MAP7: variants seen among roughly 807,000 people sequenced by gnomAD.
MAP7 encodes the protein microtubule associated protein 7, also known as ensconsin.
MAP7 carries 52 observed loss-of-function variants against 94.8 expected under a neutral mutation model. The ratio of observed to expected loss-of-function variants is 0.55; its 90% CI spans 0.44 to 0.69. The LOEUF is 0.69. MAP7 is among the 30% of genes least tolerant of loss of function. The probability of loss-of-function intolerance (pLI) is 0.00; values close to 1 mark genes in which losing one functional copy is unlikely to be tolerated. For missense variants in MAP7, 940 were observed against 964.6 expected (o/e 0.97, Z 0.34); for synonymous variants, 350 against 357.0 (o/e 0.98, Z 0.22).
At chr6:136,465,167 C>A (rs1413632121) in intron 1 of MAP7, among the ~76,000 whole-genome samples, 1 of 152,208 alleles carries the variant, frequency 6.6e-6, no homozygotes, top group Non-Finnish European at 1.5e-5. Flanking sequence ...TGGAAACATG[C>A]AGCTTCTGTG....
At chr6:136,463,213 C>G (rs893117697) in intron 1 of MAP7, among the ~76,000 whole-genome samples, 3 of 151,996 alleles carry the variant, frequency 2.0e-5, no homozygotes, top group Non-Finnish European at 4.4e-5. Context: ...AAAATACTAA[C>G]CAGAAATACA....
intron 1 of MAP7, among the ~76,000 whole-genome samples, chr6:136,523,454 G>A (rs1826977567): frequency 6.6e-6 from 1 of 152,230 alleles, no homozygotes; most frequent in Non-Finnish European, 1.5e-5. Context: ...TGTGGCTATT[G>A]TATTGGACAG....
intron 7 of MAP7, among the ~76,000 whole-genome samples, chr6:136,376,028 C>T (rs779311407): frequency 2.6e-5 from 4 of 152,018 alleles, no homozygotes; most frequent in African/African-American, 7.2e-5. Context: ...TTTAGCACAA[C>T]ACAGCATACA....
chr6:136,487,385 T>C (rs905315081), intron 1 of MAP7, among the ~76,000 whole-genome samples: 1 of 152,214 alleles, frequency 6.6e-6, no homozygotes, highest in Admixed American at 6.5e-5. Context: ...GGATTATAGA[T>C]GATTTAGAAA....
chr6:136,366,277 C>T (rs997805007), intron 9 of MAP7, 50 bp downstream of exon 9: 1 of 1,402,890 alleles, frequency 7.1e-7, no homozygotes, highest in Non-Finnish European at 1.0e-6. Flanking sequence ...GAGAGAGCTA[C>T]TAATTCTCTA....
chr6:136,542,479 TA>T (rs1460398877), intron 1 of MAP7, among the ~76,000 whole-genome samples: 2 of 152,146 alleles, frequency 1.3e-5, no homozygotes, highest in African/African-American at 4.8e-5. Flanking sequence ...ATCAGGATAA[TA>T]AACAAAGTAT....
chr6:136,454,615 T>G (rs1278579646), intron 1 of MAP7, among the ~76,000 whole-genome samples: 2 of 151,146 alleles, frequency 1.3e-5, no homozygotes, highest in South Asian at 4.2e-4. Flanking sequence ...GTCTTTTAAA[T>G]AGCAAACAGC....
At chr6:136,541,687 A>G (rs1829331963) in intron 1 of MAP7, among the ~76,000 whole-genome samples, 1 of 152,110 alleles carries the variant, frequency 6.6e-6, no homozygotes, top group Non-Finnish European at 1.5e-5. Flanking sequence ...AACTATTTCT[A>G]TAGGAGCATC....
At position 136,420,521 on chromosome 6, in the gene MAP7, G is replaced by T. The variant is rs1050527304; in HGVS notation, c.166+1180C>A. 6.8e-5 allele frequency: 20 copies of T among 295,956 alleles called. No homozygotes were observed. In the East Asian group the frequency reaches 1.1e-3, roughly 17 times the overall value. 18.3% of individuals were successfully genotyped at this position (295,956 alleles called of 1,614,324 possible). A position where few individuals can be genotyped will look rare whatever the true frequency, so the allele number is the denominator to read the frequency against. On this transcript the variant is annotated intron_variant, in intron 2 of 17. Coordinates refer to ENST00000354570, the MANE Select transcript of MAP7 (RefSeq NM_003980.6). The stretch of plus-strand genomic sequence containing the variant: ...ACTAGAATAAGCTGCGTGGGGACAG[G>T]GTTCATGTTGTTTGCTCATACAGTA...
chr6:136,364,333 G>A (rs1011047282), intron 10 of MAP7: 13 of 480,320 alleles, frequency 2.7e-5, no homozygotes, highest in East Asian at 5.5e-5. Flanking sequence ...GGAGGAGCTC[G>A]TGGACCTGCA....
chr6:136,538,961 C>T (rs752649425), intron 1 of MAP7, among the ~76,000 whole-genome samples: 1 of 152,082 alleles, frequency 6.6e-6, no homozygotes, highest in Non-Finnish European at 1.5e-5. Context: ...CCTTTGATCC[C>T]AGTGCCAGCC....
intron 5 of MAP7, among the ~76,000 whole-genome samples, chr6:136,387,910 T>C (rs2179290): frequency 0.017 from 2,539 of 152,278 alleles, 42 homozygotes; most frequent in East Asian, 0.039. Context: ...AATAGCTTAG[T>C]CATTTACTAT....
intron 1 of MAP7, chr6:136,526,275 G>GCACA: frequency 9.4e-7 from 1 of 1,063,608 alleles, no homozygotes. Flanking sequence ...GTACACGCGC[G>GCACA]CGCACACACA....
rs530973349 is a variant in MAP7 at position 136,448,489 on chromosome 6, A to G, written c.68-26690T>C. On this transcript the variant is annotated intron_variant, in intron 1 of 17. Coordinates refer to ENST00000354570, the MANE Select transcript of MAP7 (RefSeq NM_003980.6). Reference sequence around the variant, plus strand: ...GAGTGCAGTGGCGCAATCTCAGCTCACTGCAACCTCCACCTCCCGGGTTCA... The same window carrying G: ...GAGTGCAGTGGCGCAATCTCAGCTCGCTGCAACCTCCACCTCCCGGGTTCA... Among the ~76,000 whole-genome samples, 137 of 150,848 alleles carry G rather than the reference A, an allele frequency of 9.1e-4. 1 individual carries two copies. Among genetic ancestry groups the G allele is most frequent in the Non-Finnish European group, 1.4e-3 (96 of 67,760 alleles).
intron 1 of MAP7, among the ~76,000 whole-genome samples, chr6:136,478,842 T>C (rs60902430): frequency 0.02 from 3,026 of 151,818 alleles, 104 homozygotes; most frequent in East Asian, 0.13. Flanking sequence ...TCCATGGCTT[T>C]ACTGCTGAAT....
At chr6:136,520,240 A>G (rs1175514631) in intron 1 of MAP7, among the ~76,000 whole-genome samples, 2 of 151,764 alleles carry the variant, frequency 1.3e-5, no homozygotes, top group Admixed American at 1.3e-4. Flanking sequence ...GGAGGAGGAG[A>G]AGAAGACAAC....
At chr6:136,465,460 T>C (rs961503980) in intron 1 of MAP7, among the ~76,000 whole-genome samples, 6 of 152,158 alleles carry the variant, frequency 3.9e-5, no homozygotes, top group Non-Finnish European at 8.8e-5. Context: ...AAAAGATATG[T>C]AAACATGCTT....
At chr6:136,372,784 G>A in intron 7 of MAP7, 159 bp from the exon 8 acceptor site, 1 of 785,886 alleles carries the variant, frequency 1.3e-6, no homozygotes, top group Non-Finnish European at 2.0e-6. Flanking sequence ...ACCTAAAGGT[G>A]CCCAGAACCA....
intron 1 of MAP7, among the ~76,000 whole-genome samples, chr6:136,535,201 A>T (rs1399811638): frequency 6.6e-6 from 1 of 152,082 alleles, no homozygotes; most frequent in East Asian, 1.9e-4. Context: ...GTTCTCCCTC[A>T]GTTAGTTTAC....
Sources: allele counts gnomAD v4.1 joint callset (sites outside exome capture counted in the v4.1 genomes callset), GRCh38; gene constraint gnomAD v4.1.1; transcripts MANE v1.5; gene names NCBI Gene and HGNC (gene_info 2026-07-23, HGNC 2026-07-21).